Variants in CSMD1 observed in about 807,000 individuals in gnomAD.
The protein encoded by CSMD1 is CUB and sushi domain-containing protein 1.
A neutral mutation model predicts 417.5 loss-of-function variants in CSMD1; 213 were observed. That is an observed-to-expected ratio of 0.51 (90% CI 0.46 to 0.57). CSMD1 has a LOEUF of 0.57. Ranked by LOEUF, CSMD1 falls within the 20% of genes least tolerant of loss-of-function variation. The pLI is 0.00. For synonymous variants in CSMD1, 2,862 were observed against 1,736.8 expected, an observed-to-expected ratio of 1.65 and a Z score of -16.11; for missense variants, 6,923 against 4,529.7, an observed-to-expected ratio of 1.53 and a Z score of -15.17.
chr8:4,768,997 G>C (rs931513085), intron 1 of CSMD1, among the ~76,000 whole-genome samples: 1 of 152,092 alleles, frequency 6.6e-6, no homozygotes, highest in African/African-American at 2.4e-5. Context: ...ATGTGAAGAA[G>C]AGACCAATAT....
chr8:3,525,163 C>A (rs1050131971), intron 10 of CSMD1, among the ~76,000 whole-genome samples: 1 of 152,128 alleles, frequency 6.6e-6, no homozygotes, highest in African/African-American at 2.4e-5. Flanking sequence ...TCAGTAGGGT[C>A]TTCTTGTCTG....
intron 7 of CSMD1, among the ~76,000 whole-genome samples, chr8:3,692,495 G>A (rs1800304990): frequency 7.1e-6 from 1 of 140,360 alleles, no homozygotes; most frequent in South Asian, 2.1e-4. Flanking sequence ...AGGCTGGAGT[G>A]CACTGGCGCG....
rs144132352 is a variant in CSMD1 at position 4,115,148 on chromosome 8, A to G, written c.416-83049T>C. ...AGTCCATAGATGAGGCAAAATATCA[A>G]TATCTCATTTTAAGAAATTTTCACA... On this transcript the variant is annotated intron_variant, in intron 3 of 69. Transcript: ENST00000635120. Among the ~76,000 whole-genome samples, 272 of 152,336 alleles carry G rather than the reference A, an allele frequency of 1.8e-3. 1 individual carries two copies. The highest frequency in any genetic ancestry group is 6.8e-3 in the Middle Eastern group (2 of 294).
At chr8:4,316,482 C>T (rs755488499) in intron 3 of CSMD1, among the ~76,000 whole-genome samples, 4 of 152,092 alleles carry the variant, frequency 2.6e-5, no homozygotes, top group African/African-American at 7.2e-5. Flanking sequence ...AAAACCTCAA[C>T]GATTTTTGCA....
At chr8:3,101,624 A>T (rs937725950) in intron 46 of CSMD1, among the ~76,000 whole-genome samples, 1 of 151,416 alleles carries the variant, frequency 6.6e-6, no homozygotes, top group Non-Finnish European at 1.5e-5. Flanking sequence ...ATAGGTTTTC[A>T]CCATGTTACC....
chr8:4,124,449 G>A (rs931182540), intron 3 of CSMD1, among the ~76,000 whole-genome samples: 5 of 152,102 alleles, frequency 3.3e-5, no homozygotes, highest in African/African-American at 9.7e-5. Flanking sequence ...AACCCACGAA[G>A]CTGCAGATGG....
chr8:3,857,589 G>C lies in CSMD1; in HGVS notation c.819-103547C>G, dbSNP rs540463144. Among the ~76,000 whole-genome samples, 14 of 152,312 alleles carry C rather than the reference G, an allele frequency of 9.2e-5. No homozygotes were observed. In the South Asian group the frequency reaches 2.1e-3, roughly 23 times the overall value. ...ACCTGTTCTGTTTCTACGCTGTGTAGACGTGAGGTTTGTGGTGGGGCCAGG... is the reference window on the plus strand; with the variant it reads ...ACCTGTTCTGTTTCTACGCTGTGTACACGTGAGGTTTGTGGTGGGGCCAGG... On this transcript the variant is annotated intron_variant, in intron 5 of 69. Coordinates refer to ENST00000635120, the MANE Select transcript of CSMD1 (RefSeq NM_033225.6).
At chr8:4,274,643 G>A (rs577604928) in intron 3 of CSMD1, among the ~76,000 whole-genome samples, 314 of 152,074 alleles carry the variant, frequency 2.1e-3, no homozygotes, top group Admixed American at 8.3e-3. Context: ...AAAATCTATA[G>A]GTCTCCATTA....
intron 1 of CSMD1, among the ~76,000 whole-genome samples, chr8:4,858,104 T>C (rs1801911386): frequency 6.6e-6 from 1 of 151,706 alleles, no homozygotes; most frequent in Non-Finnish European, 1.5e-5. Flanking sequence ...GCAAGGCTGG[T>C]TCAATATACG....
chr8:4,102,063 A>G (rs1280200202), intron 3 of CSMD1, among the ~76,000 whole-genome samples: 2 of 152,190 alleles, frequency 1.3e-5, no homozygotes, highest in Admixed American at 6.6e-5. Context: ...TGAGATCAGC[A>G]AGTTTTACCT....
At chr8:4,178,567 G>T (rs1195184957) in intron 3 of CSMD1, among the ~76,000 whole-genome samples, 1 of 151,222 alleles carries the variant, frequency 6.6e-6, no homozygotes, top group East Asian at 1.9e-4. Context: ...CATAGTGTTG[G>T]AAGTTCTGGC....
At chr8:4,029,837 T>C (rs749960621) in intron 4 of CSMD1, among the ~76,000 whole-genome samples, 1 of 152,138 alleles carries the variant, frequency 6.6e-6, no homozygotes, top group African/African-American at 2.4e-5. Flanking sequence ...AGTTACTTCC[T>C]AGACAAATGC....
intron 27 of CSMD1, 27 bp downstream of exon 27, chr8:3,230,013 A>C: frequency 1.4e-6 from 2 of 1,472,854 alleles, no homozygotes; most frequent in Non-Finnish European, 1.8e-6. Context: ...CCTGAATATA[A>C]AATTTCTAAG....
intron 5 of CSMD1, among the ~76,000 whole-genome samples, chr8:3,764,655 G>A (rs1455059006): frequency 2.0e-5 from 3 of 152,124 alleles, no homozygotes; most frequent in Admixed American, 6.5e-5. Context: ...TGGCTAGACA[G>A]GGGCTGGGGA....
At chr8:3,762,390 C>T (rs1482753501) in intron 5 of CSMD1, among the ~76,000 whole-genome samples, 1 of 152,200 alleles carries the variant, frequency 6.6e-6, no homozygotes, top group Non-Finnish European at 1.5e-5. Context: ...GATCAGGCAG[C>T]TCCTCCTTGG....
intron 3 of CSMD1, among the ~76,000 whole-genome samples, chr8:4,308,520 C>A (rs1223789291): frequency 2.0e-5 from 3 of 152,092 alleles, no homozygotes; most frequent in Non-Finnish European, 4.4e-5. Flanking sequence ...CTTCAGAGAC[C>A]CTGCTGTGTT....
intron 1 of CSMD1, among the ~76,000 whole-genome samples, chr8:4,772,909 T>G (rs1796669470): frequency 6.6e-6 from 1 of 152,156 alleles, no homozygotes; most frequent in Non-Finnish European, 1.5e-5. Context: ...CGTAAGAAAT[T>G]GGGTTTCTTA....
intron 3 of CSMD1, among the ~76,000 whole-genome samples, chr8:4,088,516 G>A (rs1384832535): frequency 1.3e-5 from 2 of 152,134 alleles, no homozygotes; most frequent in Non-Finnish European, 1.5e-5. Flanking sequence ...TTCAACCCAT[G>A]TCACTGGTTA....
chr8:4,144,058 G>A (rs991149568), intron 3 of CSMD1, among the ~76,000 whole-genome samples: 3 of 151,216 alleles, frequency 2.0e-5, no homozygotes, highest in Non-Finnish European at 4.4e-5. Context: ...GTTAGGAAAT[G>A]GGGAGACGGA....
Sources: allele counts gnomAD v4.1 joint callset (sites outside exome capture counted in the v4.1 genomes callset), GRCh38; gene constraint gnomAD v4.1.1; transcripts MANE v1.5; gene names NCBI Gene and HGNC (gene_info 2026-07-23, HGNC 2026-07-21).